Variants in ZNF525 observed in about 807,000 individuals in gnomAD.
ZNF525 encodes zinc finger protein 525.
ZNF525 carries 33 observed loss-of-function variants against 37.6 expected under a neutral mutation model. That is an observed-to-expected ratio of 0.88 (90% CI 0.67 to 1.17). ZNF525 has a LOEUF of 1.17. Among genes scored for constraint, ZNF525 ranks in the 50% most tolerant of loss-of-function variants. The probability of loss-of-function intolerance (pLI) is 0.00; values close to 1 mark genes in which losing one functional copy is unlikely to be tolerated. For missense variants in ZNF525, 449 were observed against 543.1 expected (o/e 0.83, Z 1.72); for synonymous variants, 170 against 182.3 (o/e 0.93, Z 0.54).
intron 1 of ZNF525, among the ~76,000 whole-genome samples, chr19:53,371,138 C>T (rs1200635509): frequency 2.0e-5 from 3 of 151,906 alleles, no homozygotes; most frequent in Non-Finnish European, 4.4e-5. Context: ...TCCCTCTGCC[C>T]ATCAGTCTCT....
intron 3 of ZNF525, 40 bp downstream of exon 3, chr19:53,375,936 T>C (rs766096396): frequency 6.2e-6 from 10 of 1,611,856 alleles, no homozygotes; most frequent in Non-Finnish European, 8.5e-6. Flanking sequence ...ATGTGTCCTT[T>C]CGTATCTTTG....
intron 1 of ZNF525, among the ~76,000 whole-genome samples, chr19:53,369,760 T>A (rs1207098497): frequency 8.4e-6 from 1 of 119,544 alleles, no homozygotes; most frequent in Non-Finnish European, 1.7e-5. Flanking sequence ...GGAGTCTCGC[T>A]GTCACCCAGG....
At chr19:53,370,296 G>A (rs893531284) in intron 1 of ZNF525, among the ~76,000 whole-genome samples, 1 of 151,104 alleles carries the variant, frequency 6.6e-6, no homozygotes, top group African/African-American at 2.4e-5. Flanking sequence ...GTGGATGCCT[G>A]TAGTCCCAGC....
chr19:53,382,545 A>G lies in ZNF525; in HGVS notation c.*526A>G. 1.5e-6 allele frequency: 1 copy of G among 667,810 alleles called. No homozygotes were observed. The highest frequency in any genetic ancestry group is 1.5e-5 in the South Asian group (1 of 68,368). The allele number at this position is 667,810 out of a possible 1,614,324, so 41.4% of individuals were successfully genotyped here. On this transcript the variant is annotated 3_prime_UTR_variant, in exon 4 of 4. Coordinates refer to ENST00000474037, the MANE Select transcript of ZNF525 (RefSeq NM_001348156.2). ...GTTAACACATGCCATCATAGACGTC[A>G]TACTGGAGAGAAACCTTAGAAGTGC...
In ZNF525 at chr19:53,382,709, A is replaced by G. The variant is rs1013086519; in HGVS notation, c.*690A>G. On this transcript the variant is annotated 3_prime_UTR_variant, in exon 4 of 4. Transcript: ENST00000474037. ...TACAACTATTGCAAATCATTGGAGA[A>G]TCCATAATAAAGAGAGACCTTACAA... 7 of 757,234 alleles carry G rather than the reference A, an allele frequency of 9.2e-6. No individual in the cohort carries two copies. The African/African-American group carries it at 1.0e-4, about 11-fold the overall frequency. The allele number at this position is 757,234 out of a possible 1,614,324, so 46.9% of individuals were successfully genotyped here.
rs2085575826 is a variant in ZNF525, at chr19:53,382,692, T to C, written c.*673T>C. 1 of 742,534 alleles carries C rather than the reference T, an allele frequency of 1.3e-6. No individual in the cohort carries two copies. The highest frequency in any genetic ancestry group is 2.5e-6 in the Non-Finnish European group (1 of 407,566). 46.0% of individuals were successfully genotyped at this position (742,534 alleles called of 1,614,324 possible). On this transcript the variant is annotated 3_prime_UTR_variant, in exon 4 of 4. Coordinates refer to ENST00000474037, the MANE Select transcript of ZNF525 (RefSeq NM_001348156.2). ...CACGTCTTCAGTAATGCTACAACTATTGCAAATCATTGGAGAATCCATAAT... is the reference window on the plus strand; with the variant it reads ...CACGTCTTCAGTAATGCTACAACTACTGCAAATCATTGGAGAATCCATAAT...
chr19:53,386,053 G>A lies in ZNF525; in HGVS notation c.*4034G>A. ...CGCCTGTAATCCCAGCTACTCAGGAGGCTGAGGCAGGGGAATCTCTTGAAC... is the reference window on the plus strand; with the variant it reads ...CGCCTGTAATCCCAGCTACTCAGGAAGCTGAGGCAGGGGAATCTCTTGAAC... On this transcript the variant is annotated 3_prime_UTR_variant, in exon 4 of 4. Coordinates refer to ENST00000474037, the MANE Select transcript of ZNF525 (RefSeq NM_001348156.2). 3.1e-6 allele frequency: 1 copy of A among 322,958 alleles called. No individual in the cohort carries two copies. The highest frequency in any genetic ancestry group is 6.0e-6 in the Non-Finnish European group (1 of 166,022). 20.0% of individuals were successfully genotyped at this position (322,958 alleles called of 1,614,324 possible).
chr19:53,379,506 T>C (rs1450438375), intron 3 of ZNF525: 1 of 152,228 alleles, frequency 6.6e-6, no homozygotes, highest in African/African-American at 2.4e-5. Flanking sequence ...TCAGTTCTTA[T>C]ATTGTGTGCT....
rs143691162 is a variant in ZNF525 at position 53,374,929 on chromosome 19, A to G, written c.16-841A>G. 4.2e-3 allele frequency among the ~76,000 whole-genome samples: 646 copies of G among 152,168 alleles called. 3 individuals are homozygous for G. The highest frequency in any genetic ancestry group is 0.015 in the African/African-American group (605 of 41,510). On this transcript the variant is annotated intron_variant, in intron 2 of 3. Coordinates refer to ENST00000474037, the MANE Select transcript of ZNF525 (RefSeq NM_001348156.2). The stretch of plus-strand genomic sequence containing the variant: ...CTCACTGTGTTGCCCAGGCTGGAGC[A>G]CAGTGGTGTGATCTTAGCTCACTGT...
Position 53,383,532 on chromosome 19 carries a change from A to G in ZNF525, c.*1513A>G, listed in dbSNP as rs2085583457. The G allele has an allele frequency of 1.5e-6, 2 of 1,313,300 alleles. No individual in the cohort carries two copies. The highest frequency in any genetic ancestry group is 1.1e-6 in the Non-Finnish European group (1 of 948,458). The allele number at this position is 1,313,300 out of a possible 1,614,324, so 81.4% of individuals were successfully genotyped here. A position where few individuals can be genotyped will look rare whatever the true frequency, so the allele number is the denominator to read the frequency against. ...TTCGGACGTGATTCACACCTGGCAC[A>G]ACATCCCAGAGTTCACACTGGAGAG... is the stretch of plus-strand genomic sequence containing the variant. On this transcript the variant is annotated 3_prime_UTR_variant, in exon 4 of 4. Coordinates refer to ENST00000474037, the MANE Select transcript of ZNF525 (RefSeq NM_001348156.2).
intron 3 of ZNF525, among the ~76,000 whole-genome samples, chr19:53,376,785 A>T (rs1852669035): frequency 1.3e-5 from 2 of 152,152 alleles, no homozygotes; most frequent in African/African-American, 4.8e-5. Context: ...AGCCTGTCTA[A>T]CGTGGTGAAA....
At position 53,382,340 on chromosome 19, in the gene ZNF525, T is replaced by A. The variant is rs887370505; in HGVS notation, c.*321T>A. 1.2e-5 allele frequency: 16 copies of A among 1,285,218 alleles called. No homozygotes were observed. Among genetic ancestry groups the A allele is most frequent in the South Asian group, 4.7e-5 (4 of 84,258 alleles). 79.6% of individuals were successfully genotyped at this position (1,285,218 alleles called of 1,614,324 possible). On this transcript the variant is annotated 3_prime_UTR_variant, in exon 4 of 4. Transcript: ENST00000474037. ...ACAAATGTGAAGAATGTGATGAAAC[T>A]TTCAGATACAAATCAAATCTTGAAA...
Position 53,381,313 on chromosome 19 carries a change from G to A in ZNF525, c.734G>A (p.Cys245Tyr), listed in dbSNP as rs758153460. ...CATCTAGGAGAGAAACAATATAAATGTGATGTATGTGACAAGGTCTTTATT... is the reference window on the plus strand; with the variant it reads ...CATCTAGGAGAGAAACAATATAAATATGATGTATGTGACAAGGTCTTTATT... ...IIHLGEKQYKCDVCDKVFIRK... is the reference protein window; with the variant it reads ...IIHLGEKQYKYDVCDKVFIRK... The change falls in exon 4 of 4, where the codon TGT becomes TAT. Residue 245 changes from cysteine to tyrosine, a missense_variant. Physicochemically the swap from Cys to Tyr is radical, Grantham distance 194 (BLOSUM62 -2). Coordinates refer to ENST00000474037, the MANE Select transcript of ZNF525 (RefSeq NM_001348156.2). 3 of 1,488,238 alleles carry A rather than the reference G, an allele frequency of 2.0e-6. No homozygotes were observed. The highest frequency in any genetic ancestry group is 9.4e-7 in the Non-Finnish European group (1 of 1,065,532). The allele number at this position is 1,488,238 out of a possible 1,614,324, so 92.2% of individuals were successfully genotyped here.
chr19:53,370,197 G>C (rs2085477369), intron 1 of ZNF525, among the ~76,000 whole-genome samples: 1 of 150,080 alleles, frequency 6.7e-6, no homozygotes, highest in African/African-American at 2.4e-5. Context: ...GAGGCGGGCA[G>C]ATCAGGAGGT....
Position 53,383,569 on chromosome 19 carries a change from G to A in ZNF525, c.*1550G>A. 1 of 1,449,362 alleles carries A rather than the reference G, an allele frequency of 6.9e-7. No homozygotes were observed. The allele number at this position is 1,449,362 out of a possible 1,614,324, so 89.8% of individuals were successfully genotyped here. ...TTCACACTGGAGAGAAACCTTACAAGTGTAATGAGTGTGTCAAAGCCTTTA... is the reference window on the plus strand; with the variant it reads ...TTCACACTGGAGAGAAACCTTACAAATGTAATGAGTGTGTCAAAGCCTTTA... On this transcript the variant is annotated 3_prime_UTR_variant, in exon 4 of 4. Transcript: ENST00000474037.
At chr19:53,369,400 G>C (rs545967718) in intron 1 of ZNF525, among the ~76,000 whole-genome samples, 1 of 150,032 alleles carries the variant, frequency 6.7e-6, no homozygotes, top group African/African-American at 2.5e-5. Flanking sequence ...CTAATTTTTT[G>C]TATTTTTAGT....
chr19:53,369,024 T>C (rs1380166957), intron 1 of ZNF525, among the ~76,000 whole-genome samples: 1 of 152,206 alleles, frequency 6.6e-6, no homozygotes, highest in Non-Finnish European at 1.5e-5. Context: ...TATAGGTAGG[T>C]TACCATAGAC....
At position 53,366,275 on chromosome 19, in the gene ZNF525, G is replaced by C. The variant is rs550184448; in HGVS notation, c.-68+516G>C. Reference sequence around the variant, plus strand: ...GGTCTCCCATCCGCAGTCACAGCTTGCCCTGAGCCTGCGTTAGGGGAGGTG... The same window carrying C: ...GGTCTCCCATCCGCAGTCACAGCTTCCCCTGAGCCTGCGTTAGGGGAGGTG... On this transcript the variant is annotated intron_variant, in intron 1 of 3. Coordinates refer to ENST00000474037, the MANE Select transcript of ZNF525 (RefSeq NM_001348156.2). 1.4e-3 allele frequency among the ~76,000 whole-genome samples: 164 copies of C among 113,190 alleles called. 46 individuals are homozygous for C. Among genetic ancestry groups the C allele is most frequent in the Non-Finnish European group, 2.6e-3 (115 of 44,206 alleles). 74.3% of individuals were successfully genotyped at this position (113,190 alleles called of 152,430 possible).
At chr19:53,377,825 G>T (rs560066572) in intron 3 of ZNF525, among the ~76,000 whole-genome samples, 8 of 152,240 alleles carry the variant, frequency 5.3e-5, no homozygotes, top group African/African-American at 1.7e-4. Context: ...CTCCCAAAGT[G>T]CTGGGATTAC....
Sources: gnomAD v4.1 joint callset for allele counts (sites outside exome capture counted in the v4.1 genomes callset) on GRCh38, gnomAD v4.1.1 for gene constraint, MANE v1.5 for transcripts, NCBI Gene and HGNC (gene_info 2026-07-23, HGNC 2026-07-21) for gene names.